ITPR3: variants seen among roughly 807,000 people sequenced by gnomAD.
The protein encoded by ITPR3 is inositol 1,4,5-trisphosphate receptor type 3.
A neutral mutation model predicts 293.2 loss-of-function variants in ITPR3; 173 were observed. The ratio of observed to expected loss-of-function variants is 0.59; its 90% confidence interval spans 0.52 to 0.67. The LOEUF (loss-of-function observed/expected upper bound fraction) is 0.67, where lower values mean the gene tolerates loss of function less well. Among genes scored for constraint, ITPR3 ranks in the 30% least tolerant of loss-of-function variants. The pLI, the probability that ITPR3 is intolerant of heterozygous loss-of-function variation, is 0.00. For synonymous variants in ITPR3, 1,295 were observed against 1,444.4 expected, an observed-to-expected ratio of 0.90 and a Z score of 2.35; for missense variants, 2,796 against 3,592.1, an observed-to-expected ratio of 0.78 and a Z score of 5.66.
chr6:33,668,816 A>G (rs1261448412), intron 17 of ITPR3, among the ~76,000 whole-genome samples, 158 bp from the exon 18 acceptor site: 1 of 152,118 alleles, frequency 6.6e-6, no homozygotes, highest in African/African-American at 2.4e-5. Flanking sequence ...GGGAAGGGGC[A>G]CAGAAAAGAA....
chr6:33,642,821 T>TC (rs1489872434), intron 2 of ITPR3, among the ~76,000 whole-genome samples: 1 of 152,090 alleles, frequency 6.6e-6, no homozygotes, highest in Non-Finnish European at 1.5e-5. Context: ...AGGTTCAGAC[T>TC]CCATCTCCTT....
intron 1 of ITPR3, among the ~76,000 whole-genome samples, chr6:33,627,884 G>A (rs1763585772): frequency 3.3e-5 from 5 of 152,192 alleles, no homozygotes; most frequent in Admixed American, 2.0e-4. Flanking sequence ...AGGGGGTGGC[G>A]CGGGGTTGGC....
chr6:33,677,827 A>G (rs1271596889), intron 28 of ITPR3, among the ~76,000 whole-genome samples, 198 bp downstream of exon 28: 2 of 151,826 alleles, frequency 1.3e-5, no homozygotes, highest in African/African-American at 4.8e-5. Flanking sequence ...TCTACCCCTC[A>G]TCCTAATTCC....
At chr6:33,674,003 C>T (rs1455365422) in intron 23 of ITPR3, among the ~76,000 whole-genome samples, 3 of 152,210 alleles carry the variant, frequency 2.0e-5, no homozygotes, top group African/African-American at 7.2e-5. Context: ...GACTCCCAGC[C>T]TGGATCTCTG....
Position 33,675,591 on chromosome 6 carries a change from G to A in ITPR3, c.3117-100G>A. The A allele has an allele frequency of 1.5e-6, 2 of 1,307,574 alleles. No homozygotes were observed. Among genetic ancestry groups the A allele is most frequent in the African/African-American group, 1.5e-5 (1 of 66,634 alleles). 81.0% of individuals were successfully genotyped at this position (1,307,574 alleles called of 1,614,324 possible). A position where few individuals can be genotyped will look rare whatever the true frequency, so the allele number is the denominator to read the frequency against. ...TAGACTGGCCCTGCATCTGCTAATT[G>A]GGTGGCGGAGAGTGTGCTTGTGCCA... On this transcript the variant is annotated intron_variant, in intron 24 of 57. Transcript: ENST00000605930. The surrounding 1 kb of genome is among the most constrained non-coding windows in gnomAD (Gnocchi z 5.0).
At chr6:33,644,810 C>T (rs1194551536) in intron 2 of ITPR3, among the ~76,000 whole-genome samples, 2 of 151,294 alleles carry the variant, frequency 1.3e-5, no homozygotes, top group Admixed American at 6.6e-5. Context: ...ATTACAGGTG[C>T]GTGCCACCAC....
rs55958712 is a variant in ITPR3, at chr6:33,661,992, GAAAAAAA to G, written c.712-517_712-511del. On this transcript the variant is annotated intron_variant, in intron 7 of 57. Transcript: ENST00000605930. ...CCTGGGCAACAGAGTGACTGTCTCT[GAAAAAAA>G]AAAAAAAAAAAAAAAAAAGACAGGA... Among the ~76,000 whole-genome samples, 32 of 47,192 alleles carry G rather than the reference GAAAAAAA, an allele frequency of 6.8e-4. No homozygotes were observed. In the East Asian group the frequency reaches 0.012, roughly 17 times the overall value. The allele number at this position is 47,192 out of a possible 152,430, so 31.0% of individuals were successfully genotyped here. A position where few individuals can be genotyped will look rare whatever the true frequency, so the allele number is the denominator to read the frequency against.
chr6:33,651,686 A>G (rs1372392989), intron 2 of ITPR3, among the ~76,000 whole-genome samples: 4 of 152,116 alleles, frequency 2.6e-5, no homozygotes, highest in Admixed American at 2.0e-4. Flanking sequence ...TTTCCTTTCT[A>G]TCTTCTCTTT....
intron 2 of ITPR3, among the ~76,000 whole-genome samples, chr6:33,645,534 G>A (rs1764046566): frequency 6.6e-6 from 1 of 152,184 alleles, no homozygotes; most frequent in African/African-American, 2.4e-5. Context: ...TGCCTGCGAT[G>A]CTGCAGTGAG....
chr6:33,639,677 G>T (rs866470491), intron 1 of ITPR3, among the ~76,000 whole-genome samples: 3 of 152,090 alleles, frequency 2.0e-5, no homozygotes, highest in Non-Finnish European at 4.4e-5. Flanking sequence ...ATGCAGGAAG[G>T]GTGGCTGGAT....
In ITPR3 at chr6:33,684,643, C is replaced by A; in HGVS notation, c.5092C>A (p.Arg1698=). 6.2e-7 allele frequency: 1 copy of A among 1,614,134 alleles called. No homozygotes were observed. Among genetic ancestry groups the A allele is most frequent in the Non-Finnish European group, 8.5e-7 (1 of 1,180,030 alleles). ...KMLLQNYLQN[R]KSTSRGDLPD... is the part of the protein sequence containing the mutation. The stretch of plus-strand genomic sequence containing the variant: ...GCTGCTGCAAAACTACCTCCAGAAC[C>A]GGAAGTCCACCTCGCGGGGGGACCT... The change falls in exon 38 of 58, where the codon CGG becomes AGG. Residue 1698 remains arginine (R), a synonymous_variant. Transcript: ENST00000605930. This position sits in a 1 kb window ranked among gnomAD's most constrained non-coding sequence, Gnocchi z 4.2.
intron 49 of ITPR3, among the ~76,000 whole-genome samples, 184 bp from the exon 50 acceptor site, chr6:33,689,054 G>A (rs532062843): frequency 7.4e-4 from 112 of 152,354 alleles, no homozygotes; most frequent in Non-Finnish European, 1.3e-3. Flanking sequence ...CCTGGTAGCC[G>A]CAGCCGGACA....
intron 2 of ITPR3, among the ~76,000 whole-genome samples, chr6:33,641,754 C>T (rs1180399692): frequency 6.6e-6 from 1 of 152,140 alleles, no homozygotes; most frequent in African/African-American, 2.4e-5. Context: ...CCCGCCTCCA[C>T]ATCTTTGCTG....
chr6:33,694,719 G>GGTC, intron 56 of ITPR3: 1 of 593,468 alleles, frequency 1.7e-6, no homozygotes, highest in Non-Finnish European at 2.9e-6. Context: ...CTGTCTCGGT[G>GGTC]GCAGAGGGTT....
rs1763872666 is a variant in ITPR3, at chr6:33,638,317, T to G, written c.90-2167T>G. 6.6e-6 allele frequency among the ~76,000 whole-genome samples: 1 copy of G among 152,200 alleles called. No homozygotes were observed. Among genetic ancestry groups the G allele is most frequent in the Admixed American group, 6.5e-5 (1 of 15,284 alleles). On this transcript the variant is annotated intron_variant, in intron 1 of 57. Transcript: ENST00000605930. This position sits in a 1 kb window ranked among gnomAD's most constrained non-coding sequence, Gnocchi z 4.3. ...CCGCGTCCATCCACATAGGCATGAT[T>G]GATTAAACCATTGGCCATTGGTGGT...
At chr6:33,659,886 C>T (rs1164210279) in intron 7 of ITPR3, among the ~76,000 whole-genome samples, 1 of 152,184 alleles carries the variant, frequency 6.6e-6, no homozygotes, top group Non-Finnish European at 1.5e-5. Flanking sequence ...ACTCCTGCTG[C>T]CTGGATCCAC....
In ITPR3 at chr6:33,667,375, G is replaced by T; in HGVS notation, c.1713+85G>T. ...TTCCTCAGGCACATGTGCTGTGCCA[G>T]GCACTGTTTTGGGGCCTAGGGTCCA... is the stretch of plus-strand genomic sequence containing the variant. On this transcript the variant is annotated intron_variant, in intron 15 of 57. Transcript: ENST00000605930. This position sits in a 1 kb window ranked among gnomAD's most constrained non-coding sequence, Gnocchi z 4.4. The T allele has an allele frequency of 6.7e-7, 1 of 1,500,462 alleles. No individual in the cohort carries two copies. Among genetic ancestry groups the T allele is most frequent in the South Asian group, 1.3e-5 (1 of 76,864 alleles). 92.9% of individuals were successfully genotyped at this position (1,500,462 alleles called of 1,614,324 possible).
Position 33,682,701 on chromosome 6 carries a change from G to GA in ITPR3, c.4597+57_4597+58insA. The GA allele has an allele frequency of 6.5e-7, 1 of 1,549,566 alleles. No homozygotes were observed. The highest frequency in any genetic ancestry group is 8.7e-7 in the Non-Finnish European group (1 of 1,156,034). On this transcript the variant is annotated intron_variant, in intron 34 of 57. Transcript: ENST00000605930. This position sits in a 1 kb window ranked among gnomAD's most constrained non-coding sequence, Gnocchi z 5.4. ...ACCACTCCTCCTGCCGCTCACAGTG[G>GA]GGACGCCTGCCCTCCTAATAAACAC...
Position 33,658,729 on chromosome 6 carries a change from G to A in ITPR3, c.429G>A (p.Leu143=). Residue 143 remains leucine, a synonymous_variant, in exon 5 of 58, where the codon CTG becomes CTA. Transcript: ENST00000605930. This position sits in a 1 kb window ranked among gnomAD's most constrained non-coding sequence, Gnocchi z 6.1. ...LTVNKRLPAL[L]EKNAMRVTLD... is the part of the protein sequence containing the mutation. The stretch of plus-strand genomic sequence containing the variant: ...TGAACAAGCGGCTTCCGGCCTTGCT[G>A]GAGAAGAACGCCATGCGGGTGACTC... The A allele has an allele frequency of 1.9e-6, 3 of 1,614,224 alleles. No homozygotes were observed. The highest frequency in any genetic ancestry group is 2.5e-6 in the Non-Finnish European group (3 of 1,180,036).
Sources: allele counts gnomAD v4.1 joint callset (sites outside exome capture counted in the v4.1 genomes callset), GRCh38; gene constraint gnomAD v4.1.1; non-coding constraint Gnocchi (gnomAD v3.1); transcripts MANE v1.5; gene names NCBI Gene and HGNC (gene_info 2026-07-23, HGNC 2026-07-21).